PRMT8: variants seen among roughly 807,000 people sequenced by gnomAD.
The protein encoded by PRMT8 is protein arginine N-methyltransferase 8.
In PRMT8, 7 loss-of-function variants were observed where a neutral mutation model predicts 47.1. The ratio of observed to expected loss-of-function variants is 0.15; its 90% confidence interval spans 0.08 to 0.28. The LOEUF (loss-of-function observed/expected upper bound fraction) is 0.28. Among genes scored for constraint, PRMT8 ranks in the 10% least tolerant of loss-of-function variants. The pLI, the probability that PRMT8 is intolerant of heterozygous loss-of-function variation, is 1.00. For missense variants in PRMT8, 237 were observed against 505.4 expected, an observed-to-expected ratio of 0.47 and a Z score of 5.09; for synonymous variants, 188 against 186.5, an observed-to-expected ratio of 1.01 and a Z score of -0.07.
At chr12:3,391,775 A>C (rs942146674) in intron 1 of PRMT8, among the ~76,000 whole-genome samples, 3 of 152,180 alleles carry the variant, frequency 2.0e-5, no homozygotes, top group African/African-American at 7.2e-5. Context: ...TACACGATAG[A>C]TGTTTCAATA....
chr12:3,406,332 G>A (rs1864372562), intron 1 of PRMT8, among the ~76,000 whole-genome samples: 1 of 152,248 alleles, frequency 6.6e-6, no homozygotes, highest in African/African-American at 2.4e-5. Context: ...GAAGGTCTCT[G>A]ACATTGCCCT....
chr12:3,495,293 C>T (rs1276287608), intron 1 of PRMT8, among the ~76,000 whole-genome samples: 1 of 152,192 alleles, frequency 6.6e-6, no homozygotes, highest in Non-Finnish European at 1.5e-5. Context: ...GGATGCTGTC[C>T]TATTGCCTAC....
At chr12:3,537,774 T>C (rs1866144179) in intron 1 of PRMT8, among the ~76,000 whole-genome samples, 1 of 152,236 alleles carries the variant, frequency 6.6e-6, no homozygotes, top group East Asian at 1.9e-4. Flanking sequence ...GCACTTTCTC[T>C]GGCAGGCAGC....
intron 1 of PRMT8, chr12:3,463,101 A>T (rs1400913170): frequency 6.6e-6 from 1 of 152,206 alleles, no homozygotes; most frequent in Non-Finnish European, 1.5e-5. Context: ...AAACATCCAA[A>T]TTATATCCCT....
chr12:3,516,409 CA>C (rs1458368662), intron 1 of PRMT8, among the ~76,000 whole-genome samples: 2 of 152,212 alleles, frequency 1.3e-5, no homozygotes, highest in African/African-American at 4.8e-5. Context: ...GCGTAAGAGA[CA>C]GTTCTATAAA....
chr12:3,405,563 C>T (rs531430578), intron 1 of PRMT8, among the ~76,000 whole-genome samples: 5 of 152,348 alleles, frequency 3.3e-5, no homozygotes, highest in Non-Finnish European at 5.9e-5. Flanking sequence ...AAGTTAGTTA[C>T]TTTGTAGATA....
rs751970387 is a variant in PRMT8 at position 3,569,748 on chromosome 12, G to C, written c.712+184G>C. ...TTCTATCTAGTCCCAAGGGTGTTAGGTCTACAGACAGAAAATAAGCCATAT... is the reference window on the plus strand; with the variant it reads ...TTCTATCTAGTCCCAAGGGTGTTAGCTCTACAGACAGAAAATAAGCCATAT... On this transcript the variant is annotated intron_variant, in intron 6 of 9. Coordinates refer to ENST00000382622, the MANE Select transcript of PRMT8 (RefSeq NM_019854.5). This position sits in a 1 kb window ranked among gnomAD's most constrained non-coding sequence, Gnocchi z 8.2. Among the ~76,000 whole-genome samples the C allele has an allele frequency of 6.6e-6, 1 of 152,164 alleles. No homozygotes were observed. Among genetic ancestry groups the C allele is most frequent in the Non-Finnish European group, 1.5e-5 (1 of 68,050 alleles).
chr12:3,524,382 A>G (rs1194383513), intron 1 of PRMT8, among the ~76,000 whole-genome samples: 1 of 152,158 alleles, frequency 6.6e-6, no homozygotes, highest in African/African-American at 2.4e-5. Context: ...GAAACAGGAA[A>G]TACTAGGCCC....
chr12:3,470,793 A>G (rs1387598461), intron 1 of PRMT8, among the ~76,000 whole-genome samples: 1 of 152,158 alleles, frequency 6.6e-6, no homozygotes, highest in Non-Finnish European at 1.5e-5. Context: ...TCAGCTGTAC[A>G]TCGCCACTTC....
chr12:3,554,687 G>T (rs897860608), intron 4 of PRMT8, among the ~76,000 whole-genome samples: 2 of 152,218 alleles, frequency 1.3e-5, no homozygotes, highest in African/African-American at 4.8e-5. Context: ...GGGGGAAAAA[G>T]AGGCCAGGTT....
intron 1 of PRMT8, among the ~76,000 whole-genome samples, chr12:3,527,125 C>T (rs1865959352): frequency 6.6e-6 from 1 of 152,106 alleles, no homozygotes; most frequent in South Asian, 2.1e-4. Flanking sequence ...AAAGTGGCCA[C>T]ATTAGGGTTT....
At chr12:3,465,109 T>G (rs1300398453) in intron 1 of PRMT8, among the ~76,000 whole-genome samples, 1 of 105,692 alleles carries the variant, frequency 9.5e-6, no homozygotes, top group African/African-American at 4.1e-5. Context: ...GCAACGAGAG[T>G]GAAACTCTGT....
At chr12:3,457,525 T>C (rs1864987840) in intron 1 of PRMT8, among the ~76,000 whole-genome samples, 1 of 151,992 alleles carries the variant, frequency 6.6e-6, no homozygotes, top group South Asian at 2.1e-4. Context: ...CCTAGGCTGG[T>C]CTCAAACTCC....
chr12:3,515,381 C>T (rs920063005), intron 1 of PRMT8, among the ~76,000 whole-genome samples: 6 of 152,176 alleles, frequency 3.9e-5, no homozygotes, highest in Non-Finnish European at 7.4e-5. Context: ...TGCAAATTGT[C>T]AGAGGGATAG....
intron 4 of PRMT8, among the ~76,000 whole-genome samples, chr12:3,562,570 GTTGCAGGGGCATGCTGGCTGTCACA>G (rs1451644874): frequency 6.6e-6 from 1 of 152,186 alleles, no homozygotes; most frequent in African/African-American, 2.4e-5. Context: ...CAATTGGGTG[GTTGCAGGGGCATGCTGGCTGTCACA>G]CACTGCCTGC....
chr12:3,536,531 T>C (rs1473725296), intron 1 of PRMT8, among the ~76,000 whole-genome samples: 2 of 152,166 alleles, frequency 1.3e-5, no homozygotes, highest in Non-Finnish European at 2.9e-5. Flanking sequence ...CCGTGCACAA[T>C]GCCCAGGCCA....
intron 1 of PRMT8, among the ~76,000 whole-genome samples, chr12:3,404,778 C>T (rs1388912408): frequency 2.0e-5 from 3 of 152,052 alleles, no homozygotes; most frequent in Non-Finnish European, 4.4e-5. Context: ...TCTTGTTTCT[C>T]CTTTTAATTT....
chr12:3,578,411 A>T (rs1221325747), intron 7 of PRMT8, among the ~76,000 whole-genome samples: 1 of 151,564 alleles, frequency 6.6e-6, no homozygotes, highest in Non-Finnish European at 1.5e-5. Context: ...TTTTGTATTA[A>T]TGGGGTTTGG....
chr12:3,436,739 A>G lies in PRMT8; in HGVS notation c.48+55297A>G, dbSNP rs934061619. Among the ~76,000 whole-genome samples, 5 of 152,340 alleles carry G rather than the reference A, an allele frequency of 3.3e-5. 1 individual carries two copies. The highest frequency in any genetic ancestry group is 1.3e-4 in the Admixed American group (2 of 15,306). Reference sequence around the variant, plus strand: ...TAAACATCAAGGTGAAGTTATTTCCAGCGGATCGATTGCAGCATCTCCCCG... The same window carrying G: ...TAAACATCAAGGTGAAGTTATTTCCGGCGGATCGATTGCAGCATCTCCCCG... On this transcript the variant is annotated intron_variant, in intron 1 of 9. Transcript: ENST00000452611. This position sits in a 1 kb window ranked among gnomAD's most constrained non-coding sequence, Gnocchi z 4.2.
Sources: allele counts gnomAD v4.1 joint callset (sites outside exome capture counted in the v4.1 genomes callset), GRCh38; gene constraint gnomAD v4.1.1; non-coding constraint Gnocchi (gnomAD v3.1); transcripts MANE v1.5; gene names NCBI Gene and HGNC (gene_info 2026-07-23, HGNC 2026-07-21).